Variants in SP3 observed in about 807,000 individuals in gnomAD.
The protein encoded by SP3 is transcription factor Sp3.
Under a neutral mutation model 70.3 loss-of-function variants are expected in SP3, and 10 were observed. That is an observed-to-expected ratio of 0.14 (90% confidence interval 0.09 to 0.24). The LOEUF (loss-of-function observed/expected upper bound fraction) is 0.24, where lower values mean the gene tolerates loss of function less well. SP3 is among the 10% of genes least tolerant of loss of function. The pLI, the probability that SP3 is intolerant of heterozygous loss-of-function variation, is 1.00. For synonymous variants in SP3, 402 were observed against 333.5 expected (o/e 1.21, Z -2.24); for missense variants, 825 against 914.6 (o/e 0.90, Z 1.26).
At chr2:173,930,749 T>C (rs1293279049) in intron 4 of SP3, among the ~76,000 whole-genome samples, 2 of 152,204 alleles carry the variant, frequency 1.3e-5, no homozygotes, top group Non-Finnish European at 2.9e-5. Context: ...AATGCCACAG[T>C]TGAAGTTTTT....
Position 173,960,471 on chromosome 2 carries a change from G to A in SP3, c.279+3290C>T, listed in dbSNP as rs191542643. Among the ~76,000 whole-genome samples, 49 of 152,244 alleles carry A rather than the reference G, an allele frequency of 3.2e-4. No homozygotes were observed. In the East Asian group the frequency reaches 9.1e-3, roughly 28 times the overall value. ...TCAAGTTTCTTAAAATCTTCAAAGA[G>A]CACTAAAAGAACTCAGACTTCAAAT... On this transcript the variant is annotated intron_variant, in intron 3 of 6. Coordinates refer to ENST00000310015, the MANE Select transcript of SP3 (RefSeq NM_003111.5).
intron 4 of SP3, among the ~76,000 whole-genome samples, chr2:173,943,146 G>T (rs958638775): frequency 6.6e-6 from 1 of 152,112 alleles, no homozygotes; most frequent in African/African-American, 2.4e-5. Context: ...ACCTGCTGGC[G>T]TGATCTTTTA....
intron 4 of SP3, among the ~76,000 whole-genome samples, chr2:173,924,082 A>AT (rs1177276274): frequency 2.0e-5 from 3 of 152,052 alleles, no homozygotes; most frequent in African/African-American, 7.2e-5. Context: ...CTTACCAAAT[A>AT]TAATAATAAT....
At chr2:173,932,956 C>T (rs1690106891) in intron 4 of SP3, among the ~76,000 whole-genome samples, 1 of 152,100 alleles carries the variant, frequency 6.6e-6, no homozygotes, top group Non-Finnish European at 1.5e-5. Context: ...AGCACCACTG[C>T]ACTCCAGGCC....
chr2:173,914,068 AG>A (rs1458541651), intron 5 of SP3: 1 of 152,086 alleles, frequency 6.6e-6, no homozygotes. Flanking sequence ...GGGTGAACAG[AG>A]GTATCTTAGC....
intron 2 of SP3, 55 bp from the exon 3 acceptor site, chr2:173,963,938 G>A (rs1349882521): frequency 1.3e-5 from 17 of 1,274,726 alleles, no homozygotes; most frequent in African/African-American, 1.6e-5. Flanking sequence ...GTGGCGGTTA[G>A]GGTCGGGCCG....
At position 173,902,880 on chromosome 2, in the gene SP3, G is replaced by A. The variant is rs1390801489; in HGVS notation, c.*7061C>T. Among the ~76,000 whole-genome samples the A allele has an allele frequency of 1.3e-5, 2 of 152,062 alleles. No homozygotes were observed. The highest frequency in any genetic ancestry group is 2.9e-5 in the Non-Finnish European group (2 of 68,004). On this transcript the variant is annotated 3_prime_UTR_variant, in exon 7 of 7. Transcript: ENST00000310015. ...AGGGAGACAAATGAAATGAGACAGG[G>A]CTATACAGATTTCAGGCACAACTGT...
At chr2:173,913,483 A>G (rs1481801267) in intron 5 of SP3, 2 of 335,544 alleles carry the variant, frequency 6.0e-6, no homozygotes, top group East Asian at 9.3e-5. Flanking sequence ...AATTAATGTG[A>G]TTGTTGTCCA....
chr2:173,950,846 TC>T (rs1475004602), intron 4 of SP3, among the ~76,000 whole-genome samples: 1 of 152,166 alleles, frequency 6.6e-6, no homozygotes, highest in Non-Finnish European at 1.5e-5. Flanking sequence ...AAAGTTTATA[TC>T]CTCAAAATGA....
rs1689585835 is a variant in SP3, at chr2:173,914,979, C to T, written c.1833-1713G>A. On this transcript the variant is annotated intron_variant, in intron 5 of 6. Transcript: ENST00000310015. ...CACAGAGAACCCAATTCAGTTCACTCGTGTACTCATTATTTCATGCCTCTC... is the reference window on the plus strand; with the variant it reads ...CACAGAGAACCCAATTCAGTTCACTTGTGTACTCATTATTTCATGCCTCTC... 3.3e-5 allele frequency: 5 copies of T among 152,104 alleles called. No homozygotes were observed. In the South Asian group the frequency reaches 8.3e-4, roughly 25 times the overall value. 9.4% of individuals were successfully genotyped at this position (152,104 alleles called of 1,614,324 possible).
At chr2:173,911,801 T>A (rs1426727971) in intron 6 of SP3, among the ~76,000 whole-genome samples, 1 of 147,158 alleles carries the variant, frequency 6.8e-6, no homozygotes, top group African/African-American at 2.5e-5. Context: ...CAACGCAAAA[T>A]CTTTTATCTA....
At chr2:173,964,352 G>A in intron 2 of SP3, 53 bp downstream of exon 2, 1 of 657,576 alleles carries the variant, frequency 1.5e-6, no homozygotes, top group Non-Finnish European at 2.7e-6. Context: ...GAGGCGAGGG[G>A]AGGAGAAAGC....
intron 6 of SP3, among the ~76,000 whole-genome samples, chr2:173,910,657 T>C (rs1000664027): frequency 1.3e-5 from 2 of 152,188 alleles, no homozygotes; most frequent in Non-Finnish European, 2.9e-5. Context: ...TAACATGCCA[T>C]GTTCATGATA....
At chr2:173,951,561 A>T (rs1344287761) in intron 4 of SP3, among the ~76,000 whole-genome samples, 1 of 152,248 alleles carries the variant, frequency 6.6e-6, no homozygotes, top group Non-Finnish European at 1.5e-5. Context: ...AAAGTCTCAG[A>T]TCTGCTCCTG....
At chr2:173,931,578 G>A (rs1182479530) in intron 4 of SP3, among the ~76,000 whole-genome samples, 2 of 152,044 alleles carry the variant, frequency 1.3e-5, no homozygotes, top group African/African-American at 4.8e-5. Flanking sequence ...TCCTGACCAC[G>A]TGATCCTCCC....
intron 2 of SP3, 81 bp downstream of exon 2, chr2:173,964,319 GGGTGA>G: frequency 1.6e-6 from 1 of 607,892 alleles, no homozygotes; most frequent in Non-Finnish European, 2.9e-6. Context: ...GAGGAGGGAG[GGGTGA>G]GGCGAGGAGG....
At chr2:173,965,595 C>T, upstream of SP3, 1 of 209,214 alleles carries the variant, frequency 4.8e-6, no homozygotes, top group Non-Finnish European at 9.8e-6. Context: ...GCCTCCCTCG[C>T]CGGCTGCCGC....
intron 5 of SP3, chr2:173,916,327 A>C (rs1689617982): frequency 6.6e-6 from 1 of 152,082 alleles, no homozygotes; most frequent in Admixed American, 6.6e-5. Flanking sequence ...CATCTAATAA[A>C]GGAAAGGCTG....
At chr2:173,958,519 C>T (rs1316732836) in intron 3 of SP3, among the ~76,000 whole-genome samples, 1 of 150,104 alleles carries the variant, frequency 6.7e-6, no homozygotes, top group African/African-American at 2.4e-5. Context: ...GTATTCCGAA[C>T]TTTTCTGAAT....
Sources: gnomAD v4.1 joint callset for allele counts (sites outside exome capture counted in the v4.1 genomes callset) on GRCh38, gnomAD v4.1.1 for gene constraint, MANE v1.5 for transcripts, NCBI Gene and HGNC (gene_info 2026-07-23, HGNC 2026-07-21) for gene names.